RAB3IP: variants seen among roughly 807,000 people sequenced by gnomAD.
The protein encoded by RAB3IP is rab-3A-interacting protein.
RAB3IP carries 36 observed loss-of-function variants against 59.1 expected under a neutral mutation model. The ratio of observed to expected loss-of-function variants is 0.61; its 90% CI spans 0.47 to 0.80. RAB3IP has a LOEUF of 0.80. Ranked by LOEUF, RAB3IP falls within the 30% of genes least tolerant of loss-of-function variation. RAB3IP has a pLI of 0.00. For missense variants in RAB3IP, 511 were observed against 536.0 expected (o/e 0.95, Z 0.46); for synonymous variants, 207 against 191.2 (o/e 1.08, Z -0.68).
At chr12:69,812,011 C>G (rs753109252) in intron 8 of RAB3IP, 1 of 152,126 alleles carries the variant, frequency 6.6e-6, no homozygotes, top group Non-Finnish European at 1.5e-5. Flanking sequence ...TGCTGCAAGT[C>G]CGGCCTGATA....
intron 4 of RAB3IP, among the ~76,000 whole-genome samples, chr12:69,786,949 G>A (rs1172481465): frequency 6.6e-6 from 1 of 152,192 alleles, no homozygotes; most frequent in Non-Finnish European, 1.5e-5. Context: ...AATGAAGAAA[G>A]TTGTATTCGA....
intron 8 of RAB3IP, among the ~76,000 whole-genome samples, chr12:69,804,567 G>T (rs1019411474): frequency 3.9e-5 from 6 of 152,192 alleles, no homozygotes; most frequent in African/African-American, 7.2e-5. Context: ...TGAAGTCCTT[G>T]TCCATGCCTA....
At chr12:69,745,343 A>G (rs1295310777) in intron 1 of RAB3IP, among the ~76,000 whole-genome samples, 3 of 152,128 alleles carry the variant, frequency 2.0e-5, no homozygotes, top group Non-Finnish European at 2.9e-5. Flanking sequence ...ATTCCTTGGT[A>G]TAAAATATCT....
intron 3 of RAB3IP, 112 bp downstream of exon 3, chr12:69,756,775 C>A: frequency 2.3e-6 from 2 of 856,254 alleles, no homozygotes; most frequent in Non-Finnish European, 3.5e-6. Flanking sequence ...ATTTATCCGT[C>A]ACATATGCCC....
intron 8 of RAB3IP, among the ~76,000 whole-genome samples, chr12:69,811,044 A>G (rs962549597): frequency 1.3e-5 from 2 of 152,216 alleles, no homozygotes; most frequent in African/African-American, 4.8e-5. Context: ...ATGGAATACT[A>G]TACAGCCATA....
chr12:69,795,714 C>G, intron 6 of RAB3IP: 1 of 329,572 alleles, frequency 3.0e-6, no homozygotes, highest in Non-Finnish European at 5.5e-6. Context: ...AGATGATTTT[C>G]TTAAAGATCA....
rs1881785515 is a variant in RAB3IP at position 69,821,872 on chromosome 12, A to T, written c.*6426A>T. 6.6e-6 allele frequency: 1 copy of T among 152,126 alleles called. No homozygotes were observed. Among genetic ancestry groups the T allele is most frequent in the Non-Finnish European group, 1.5e-5 (1 of 68,030 alleles). The allele number at this position is 152,126 out of a possible 1,614,324, so 9.4% of individuals were successfully genotyped here. On this transcript the variant is annotated 3_prime_UTR_variant, in exon 11 of 11. Transcript: ENST00000247833. ...GTCTCCCTGACACCAAGGCTAAGGG[A>T]CCCACTTTACTCACTTATCTGCTGG...
intron 1 of RAB3IP, among the ~76,000 whole-genome samples, chr12:69,750,103 G>T (rs1459854295): frequency 6.6e-6 from 1 of 152,218 alleles, no homozygotes; most frequent in Non-Finnish European, 1.5e-5. Context: ...TTGGACAGTA[G>T]GGTCTAATAA....
At chr12:69,802,141 T>C (rs1309101974) in intron 8 of RAB3IP, among the ~76,000 whole-genome samples, 1 of 151,812 alleles carries the variant, frequency 6.6e-6, no homozygotes, top group African/African-American at 2.4e-5. Flanking sequence ...GGGTCATAAG[T>C]AGAATTTTTT....
At chr12:69,758,013 A>G (rs1466875344) in intron 3 of RAB3IP, among the ~76,000 whole-genome samples, 2 of 152,228 alleles carry the variant, frequency 1.3e-5, no homozygotes, top group African/African-American at 4.8e-5. Context: ...ATATGTGGTG[A>G]CTTTTATGAA....
chr12:69,740,148 TTTG>T (rs1423951146), intron 1 of RAB3IP, among the ~76,000 whole-genome samples: 1 of 152,170 alleles, frequency 6.6e-6, no homozygotes, highest in Non-Finnish European at 1.5e-5. Flanking sequence ...TTTTTCTCAT[TTTG>T]TTGTTCATGA....
intron 2 of RAB3IP, among the ~76,000 whole-genome samples, chr12:69,755,932 T>G (rs978063203): frequency 1.3e-5 from 2 of 152,246 alleles, no homozygotes; most frequent in East Asian, 3.8e-4. Flanking sequence ...ATAGACAGTA[T>G]GTAAATGAAT....
intron 3 of RAB3IP, among the ~76,000 whole-genome samples, chr12:69,768,774 T>C (rs1038848181): frequency 8.5e-5 from 13 of 152,092 alleles, no homozygotes; most frequent in Non-Finnish European, 1.3e-4. Context: ...TCCAGTACTT[T>C]CCACAGTTCT....
intron 3 of RAB3IP, among the ~76,000 whole-genome samples, chr12:69,762,982 T>G (rs912158624): frequency 6.6e-6 from 1 of 152,170 alleles, no homozygotes; most frequent in African/African-American, 2.4e-5. Context: ...AATTTTATTT[T>G]GCTTCTCAAC....
At chr12:69,799,003 C>G (rs960371425) in intron 6 of RAB3IP, among the ~76,000 whole-genome samples, 4 of 152,116 alleles carry the variant, frequency 2.6e-5, no homozygotes, top group Non-Finnish European at 5.9e-5. Context: ...AGGAAGTGTC[C>G]TTTTTCTCAG....
At position 69,745,729 on chromosome 12, in the gene RAB3IP, A is replaced by G. The variant is rs138473259; in HGVS notation, c.-26+6698A>G. On this transcript the variant is annotated intron_variant, in intron 1 of 10. Coordinates refer to ENST00000247833, the MANE Select transcript of RAB3IP (RefSeq NM_022456.5). ...GAACATGCAGGTTTGTTACATAGGT[A>G]TACACGTGCCATGGTGGTTTACTGC... 2.0e-3 allele frequency among the ~76,000 whole-genome samples: 300 copies of G among 152,246 alleles called. 3 individuals are homozygous for G. The highest frequency in any genetic ancestry group is 7.0e-3 in the African/African-American group (290 of 41,564).
At chr12:69,813,055 T>C in intron 10 of RAB3IP, 22 bp downstream of exon 10, 1 of 1,567,250 alleles carries the variant, frequency 6.4e-7, no homozygotes, top group Non-Finnish European at 8.7e-7. Context: ...TGATTCAATA[T>C]AAGTCTTTAC....
intron 3 of RAB3IP, among the ~76,000 whole-genome samples, chr12:69,766,528 C>CT (rs71278203): frequency 0.75 from 110,608 of 146,940 alleles, 41,521 homozygotes; most frequent in East Asian, 0.87. Flanking sequence ...CTTTTCTTTT[C>CT]TTTTTTTTTT....
intron 1 of RAB3IP, among the ~76,000 whole-genome samples, chr12:69,743,012 G>C (rs1470249257): frequency 6.6e-6 from 1 of 152,182 alleles, no homozygotes; most frequent in Non-Finnish European, 1.5e-5. Context: ...GTTAACAGTA[G>C]GATTGTAAAT....
Sources: allele counts gnomAD v4.1 joint callset (sites outside exome capture counted in the v4.1 genomes callset), GRCh38; gene constraint gnomAD v4.1.1; transcripts MANE v1.5; gene names NCBI Gene and HGNC (gene_info 2026-07-23, HGNC 2026-07-21).